The following CCR1 variants were observed in gnomAD, a reference collection of about 807,000 sequenced individuals.
CCR1 encodes C-C chemokine receptor type 1.
CCR1 carries 1 observed loss-of-function variant against 0.3 expected under a neutral mutation model. That is an observed-to-expected ratio of 3.70 (90% CI 1.31 to 17.54). CCR1 has a LOEUF of 17.54. Among genes scored for constraint, CCR1 ranks in the 30% most tolerant of loss-of-function variants. CCR1 has a pLI of 0.11. For synonymous variants in CCR1, 207 were observed against 182.5 expected (o/e 1.13, Z -1.08); for missense variants, 349 against 435.4 (o/e 0.80, Z 1.77).
rs200523064 is a variant in CCR1, at chr3:46,203,045, A to C, written c.*201T>G. 1 of 531,244 alleles carries C rather than the reference A, an allele frequency of 1.9e-6. No individual in the cohort carries two copies. The highest frequency in any genetic ancestry group is 1.9e-5 in the African/African-American group (1 of 52,798). 32.9% of individuals were successfully genotyped at this position (531,244 alleles called of 1,614,324 possible). A position where few individuals can be genotyped will look rare whatever the true frequency, so the allele number is the denominator to read the frequency against. Reference sequence around the variant, plus strand: ...TTTGCTCATTCATCTTCTTTCTACCAGGGGAGAAGTTCATGGAAAAGACTG... The same window carrying C: ...TTTGCTCATTCATCTTCTTTCTACCCGGGGAGAAGTTCATGGAAAAGACTG... On this transcript the variant is annotated 3_prime_UTR_variant, in exon 2 of 2. Transcript: ENST00000296140. The surrounding 1 kb of genome is among the most constrained non-coding windows in gnomAD (Gnocchi z 4.5).
chr3:46,203,556 G>A lies in CCR1; in HGVS notation c.758C>T (p.Thr253Ile), dbSNP rs778533903. 6.2e-7 allele frequency: 1 copy of A among 1,614,082 alleles called. No homozygotes were observed. Among genetic ancestry groups the A allele is most frequent in the Non-Finnish European group, 8.5e-7 (1 of 1,179,984 alleles). Residue 253 changes from threonine (T) to isoleucine (I), a missense_variant, in exon 2 of 2, where the codon ACC (threonine) becomes ATC (isoleucine). By Grantham distance (89) the Thr-to-Ile change is moderately conservative. Transcript: ENST00000296140. This position sits in a 1 kb window ranked among gnomAD's most constrained non-coding sequence, Gnocchi z 4.5. Reference protein sequence around the residue: ...VIMIIFFLFWTPYNLTILISV... With the variant: ...VIMIIFFLFWIPYNLTILISV... ...AATAAGTATAGTCAAATTGTAGGGG[G>A]TCCAAAAGAGAAAAAAGATGATCAT... is the stretch of plus-strand genomic sequence containing the variant.
chr3:46,207,190 C>G (rs1699655770), intron 1 of CCR1, among the ~76,000 whole-genome samples: 1 of 152,156 alleles, frequency 6.6e-6, no homozygotes, highest in Non-Finnish European at 1.5e-5. Context: ...ACATTCTGAA[C>G]AGTCCAGCAC....
intron 1 of CCR1, among the ~76,000 whole-genome samples, chr3:46,205,706 T>C (rs539397388): frequency 6.6e-5 from 10 of 152,278 alleles, no homozygotes; most frequent in South Asian, 2.1e-4. Flanking sequence ...AACTCTTATC[T>C]TGCAAGGCTA....
rs202204196 is a variant in CCR1, at chr3:46,204,056, C to T, written c.258G>A (p.Thr86=). 7 of 1,614,024 alleles carry T rather than the reference C, an allele frequency of 4.3e-6. No homozygotes were observed. Among genetic ancestry groups the T allele is most frequent in the South Asian group, 1.1e-5 (1 of 91,086 alleles). Residue 86 remains threonine (T), a synonymous_variant, in exon 2 of 2, where the codon ACG becomes ACA. Coordinates refer to ENST00000296140, the MANE Select transcript of CCR1 (RefSeq NM_001295.3). ...LAISDLLFLF[T]LPFWIDYKLK... ...ACTTGTAGTCGATCCAGAAGGGAAG[C>T]GTGAACAGGAAGAGCAGGTCAGAAA...
chr3:46,207,479 T>C (rs565950478), intron 1 of CCR1, among the ~76,000 whole-genome samples: 2 of 152,290 alleles, frequency 1.3e-5, no homozygotes, highest in East Asian at 1.9e-4. Context: ...CTTCCAAAGA[T>C]AGCAGTGCCA....
Position 46,203,205 on chromosome 3 carries a change from G to A in CCR1, c.*41C>T. On this transcript the variant is annotated 3_prime_UTR_variant, in exon 2 of 2. Coordinates refer to ENST00000296140, the MANE Select transcript of CCR1 (RefSeq NM_001295.3). This position sits in a 1 kb window ranked among gnomAD's most constrained non-coding sequence, Gnocchi z 4.5. ...GCTGCTGGCTCAGTGTGCCTGGCAG[G>A]TCACGCCTGCTTATTTTGGGTTGGC... is the stretch of plus-strand genomic sequence containing the variant. 1 of 1,483,000 alleles carries A rather than the reference G, an allele frequency of 6.7e-7. No individual in the cohort carries two copies. Among genetic ancestry groups the A allele is most frequent in the Admixed American group, 1.8e-5 (1 of 56,476 alleles). 91.9% of individuals were successfully genotyped at this position (1,483,000 alleles called of 1,614,324 possible).
chr3:46,202,965 C>T lies in CCR1; in HGVS notation c.*281G>A. The T allele has an allele frequency of 2.8e-6, 1 of 360,858 alleles. No homozygotes were observed. The highest frequency in any genetic ancestry group is 5.0e-6 in the Non-Finnish European group (1 of 198,276). The allele number at this position is 360,858 out of a possible 1,614,324, so 22.4% of individuals were successfully genotyped here. A position where few individuals can be genotyped will look rare whatever the true frequency, so the allele number is the denominator to read the frequency against. On this transcript the variant is annotated 3_prime_UTR_variant, in exon 2 of 2. Coordinates refer to ENST00000296140, the MANE Select transcript of CCR1 (RefSeq NM_001295.3). ...TAATGGTCACAAATCTGAAATCTTG[C>T]TTGAGTCCAAGCCCTTCTCTGGTAC...
chr3:46,207,758 C>A (rs1699659345), intron 1 of CCR1, among the ~76,000 whole-genome samples: 1 of 151,838 alleles, frequency 6.6e-6, no homozygotes, highest in African/African-American at 2.4e-5. Flanking sequence ...GATTCTCCTG[C>A]CTCAGCCTCT....
intron 1 of CCR1, among the ~76,000 whole-genome samples, chr3:46,205,774 C>A (rs2125920889): frequency 6.6e-6 from 1 of 152,258 alleles, no homozygotes; most frequent in South Asian, 2.1e-4. Flanking sequence ...CACCACCTGG[C>A]AACAGCCAGG....
rs1699619311 is a variant in CCR1 at position 46,203,667 on chromosome 3, A to G, written c.647T>C (p.Ile216Thr). The G allele has an allele frequency of 6.2e-7, 1 of 1,614,220 alleles. No homozygotes were observed. Reference sequence around the variant, plus strand: ...CTTTATAATCCCTGTGTAGCAGATGATCATGACCAACAAAGGCAATACCAG... The same window carrying G: ...CTTTATAATCCCTGTGTAGCAGATGGTCATGACCAACAAAGGCAATACCAG... ...FGLVLPLLVM[I>T]ICYTGIIKIL... The change falls in exon 2 of 2, where the codon ATC becomes ACC. Residue 216 changes from isoleucine to threonine, a missense_variant. Ile to Thr is a moderately conservative substitution (Grantham distance 89). Transcript: ENST00000296140. This position sits in a 1 kb window ranked among gnomAD's most constrained non-coding sequence, Gnocchi z 4.5.
rs200413728 is a variant in CCR1, at chr3:46,203,376, C to T, written c.938G>A (p.Arg313Gln). The T allele has an allele frequency of 6.4e-5, 104 of 1,614,006 alleles. No homozygotes were observed. The highest frequency in any genetic ancestry group is 2.5e-4 in the Admixed American group (15 of 60,000). The change falls in exon 2 of 2, where the codon CGG (arginine) becomes CAG (glutamine). Residue 313 changes from arginine to glutamine, a missense_variant. Transcript: ENST00000296140. This position sits in a 1 kb window ranked among gnomAD's most constrained non-coding sequence, Gnocchi z 4.5. Reference sequence around the variant, plus strand: ...AGCCACACGCCTGTGGAACAACTGCCGCAGGTACTTCCGGAACCTCTCACC... The same window carrying T: ...AGCCACACGCCTGTGGAACAACTGCTGCAGGTACTTCCGGAACCTCTCACC... ...FVGERFRKYLRQLFHRRVAVH... is the reference protein window; with the variant it reads ...FVGERFRKYLQQLFHRRVAVH...
At position 46,203,342 on chromosome 3, in the gene CCR1, C is replaced by T; in HGVS notation, c.972G>A (p.Leu324=). The change falls in exon 2 of 2, where the codon CTG becomes CTA. Residue 324 remains leucine (L), a synonymous_variant. Coordinates refer to ENST00000296140, the MANE Select transcript of CCR1 (RefSeq NM_001295.3). This position sits in a 1 kb window ranked among gnomAD's most constrained non-coding sequence, Gnocchi z 4.5. Reference sequence around the variant, plus strand: ...CGGAGAGGAAGGGGAGCCATTTAACCAGGTGCACAGCCACACGCCTGTGGA... The same window carrying T: ...CGGAGAGGAAGGGGAGCCATTTAACTAGGTGCACAGCCACACGCCTGTGGA... ...QLFHRRVAVH[L]VKWLPFLSVD... 6.2e-7 allele frequency: 1 copy of T among 1,614,136 alleles called. No homozygotes were observed. Among genetic ancestry groups the T allele is most frequent in the South Asian group, 1.1e-5 (1 of 91,084 alleles).
chr3:46,207,983 G>T (rs1173215939), intron 1 of CCR1, among the ~76,000 whole-genome samples: 17 of 152,114 alleles, frequency 1.1e-4, no homozygotes, highest in Non-Finnish European at 2.9e-5. Context: ...AACACCTTTT[G>T]TCCCTTAGTA....
At chr3:46,206,256 G>A (rs1311443050) in intron 1 of CCR1, among the ~76,000 whole-genome samples, 1 of 152,014 alleles carries the variant, frequency 6.6e-6, no homozygotes, top group African/African-American at 2.4e-5. Flanking sequence ...GAGGGTATAG[G>A]GCACCCTGGC....
chr3:46,203,742 C>T lies in CCR1; in HGVS notation c.572G>A (p.Ser191Asn). The change falls in exon 2 of 2, where the codon AGC becomes AAC. Residue 191 changes from serine (S) to asparagine (N), a missense_variant. Coordinates refer to ENST00000296140, the MANE Select transcript of CCR1 (RefSeq NM_001295.3). The surrounding 1 kb of genome is among the most constrained non-coding windows in gnomAD (Gnocchi z 4.5). ...HTCSLHFPHE[S>N]LREWKLFQAL... ...CTGAAACAGCTTCCACTCTCGTAGG[C>T]TTTCGTGAGGAAAGTGAAGGCTGCA... The T allele has an allele frequency of 1.9e-6, 3 of 1,614,156 alleles. No homozygotes were observed. The Middle Eastern group carries it at 4.9e-4, about 266-fold the overall frequency.
At position 46,203,889 on chromosome 3, in the gene CCR1, A is replaced by G; in HGVS notation, c.425T>C (p.Leu142Ser). 1 of 1,614,198 alleles carries G rather than the reference A, an allele frequency of 6.2e-7. No homozygotes were observed. Among genetic ancestry groups the G allele is most frequent in the East Asian group, 2.2e-5 (1 of 44,884 alleles). ...ACCAAAAGTGACGGTCCGTGCCCGCAAGGCAAACACGGCGTGGACGATGGC... is the reference window on the plus strand; with the variant it reads ...ACCAAAAGTGACGGTCCGTGCCCGCGAGGCAAACACGGCGTGGACGATGGC... ...YLAIVHAVFALRARTVTFGVI... is the reference protein window; with the variant it reads ...YLAIVHAVFASRARTVTFGVI... The change falls in exon 2 of 2, where the codon TTG becomes TCG. Residue 142 changes from leucine to serine, a missense_variant. By Grantham distance (145) the Leu-to-Ser change is moderately radical. Transcript: ENST00000296140. This position sits in a 1 kb window ranked among gnomAD's most constrained non-coding sequence, Gnocchi z 4.5.
intron 1 of CCR1, among the ~76,000 whole-genome samples, chr3:46,205,605 A>G (rs13096371): frequency 2.0e-5 from 3 of 152,150 alleles, no homozygotes; most frequent in African/African-American, 7.2e-5. Flanking sequence ...CAAATGGAGC[A>G]TTGGCTTTGG....
chr3:46,206,301 A>C (rs747782502), intron 1 of CCR1, among the ~76,000 whole-genome samples: 5 of 152,134 alleles, frequency 3.3e-5, no homozygotes, highest in Admixed American at 1.3e-4. Context: ...GTGAGAAGTG[A>C]GGAGCTTTAA....
chr3:46,208,156 A>C (rs1204822607), intron 1 of CCR1, 126 bp downstream of exon 1: 1 of 152,198 alleles, frequency 6.6e-6, no homozygotes, highest in Non-Finnish European at 1.5e-5. Flanking sequence ...TGGGCTACTT[A>C]GACATTTGCC....
Sources: allele counts gnomAD v4.1 joint callset (sites outside exome capture counted in the v4.1 genomes callset), GRCh38; gene constraint gnomAD v4.1.1; non-coding constraint Gnocchi (gnomAD v3.1); transcripts MANE v1.5; gene names NCBI Gene and HGNC (gene_info 2026-07-23, HGNC 2026-07-21).